The following ZNF611 variants were observed in gnomAD, a reference collection of about 807,000 sequenced individuals.
The protein encoded by ZNF611 is zinc finger protein 611.
ZNF611 carries 6 observed loss-of-function variants against 8.9 expected under a neutral mutation model. The ratio of observed to expected loss-of-function variants is 0.68; its 90% CI spans 0.37 to 1.34. The LOEUF is 1.34. Among genes scored for constraint, ZNF611 ranks in the 40% most tolerant of loss-of-function variants. ZNF611 has a pLI of 0.02. For synonymous variants in ZNF611, 262 were observed against 279.7 expected, an observed-to-expected ratio of 0.94 and a Z score of 0.63; for missense variants, 874 against 841.3, an observed-to-expected ratio of 1.04 and a Z score of -0.48.
At chr19:52,726,465 G>A (rs1296990413) in intron 3 of ZNF611, among the ~76,000 whole-genome samples, 1 of 151,988 alleles carries the variant, frequency 6.6e-6, no homozygotes. Context: ...CTGTCACCCA[G>A]GCTGGAGTGC....
rs878859796 is a variant in ZNF611, at chr19:52,705,227, G to A, written c.1828C>T (p.His610Tyr). 5 of 1,613,928 alleles carry A rather than the reference G, an allele frequency of 3.1e-6. No homozygotes were observed. The highest frequency in any genetic ancestry group is 4.2e-6 in the Non-Finnish European group (5 of 1,179,980). Reference sequence around the variant, plus strand: ...CCACTATGAAGTCTACGATGGCAATGAAGGGATGACCTGCGACTGAAGGTC... The same window carrying A: ...CCACTATGAAGTCTACGATGGCAATAAAGGGATGACCTGCGACTGAAGGTC... ...SKTFSRRSSLHCHRRLHSGEK... is the reference protein window; with the variant it reads ...SKTFSRRSSLYCHRRLHSGEK... The change falls in exon 6 of 6, where the codon CAT becomes TAT. Residue 610 changes from histidine (H) to tyrosine (Y), a missense_variant. Transcript: ENST00000652185.
At chr19:52,719,978 G>T (rs2062343809) in intron 3 of ZNF611, among the ~76,000 whole-genome samples, 1 of 152,182 alleles carries the variant, frequency 6.6e-6, no homozygotes, top group South Asian at 2.1e-4. Context: ...CTTTTAAGGA[G>T]CATGCTGCCT....
intron 3 of ZNF611, chr19:52,721,241 T>C (rs1430963179): frequency 6.4e-6 from 1 of 156,492 alleles, no homozygotes; most frequent in Non-Finnish European, 1.4e-5. Flanking sequence ...AGACAATGGG[T>C]GGCCAGGCAG....
At chr19:52,731,823 T>C (rs2062427331) in intron 1 of ZNF611, among the ~76,000 whole-genome samples, 1 of 151,582 alleles carries the variant, frequency 6.6e-6, no homozygotes, top group Non-Finnish European at 1.5e-5. Flanking sequence ...AACACAAAAT[T>C]AGCCGAGCGT....
At chr19:52,709,237 T>C (rs891699936) in intron 5 of ZNF611, among the ~76,000 whole-genome samples, 2 of 152,220 alleles carry the variant, frequency 1.3e-5, no homozygotes, top group Admixed American at 1.3e-4. Context: ...ATTGTATTTT[T>C]TCTTTCTTTT....
chr19:52,721,475 T>C (rs2062359118), intron 3 of ZNF611, among the ~76,000 whole-genome samples: 1 of 152,210 alleles, frequency 6.6e-6, no homozygotes, highest in Non-Finnish European at 1.5e-5. Context: ...GGTCAGGGGT[T>C]GGAGACCAGC....
Position 52,706,659 on chromosome 19 carries a change from T to C in ZNF611, c.396A>G (p.Ile132Met). ...RNGLEAPMTK[I>M]KKLTGSTDQH... ...GGTCTGTGCTACCAGTCAACTTTTT[T>C]ATTTTTGTCATGGGTGCTTCAAGGC... Residue 132 changes from isoleucine (I) to methionine (M), a missense_variant, in exon 6 of 6, where the codon ATA (isoleucine) becomes ATG (methionine). By Grantham distance (10) the Ile-to-Met change is conservative (BLOSUM62 1). Transcript: ENST00000652185. 1.9e-6 allele frequency: 3 copies of C among 1,613,846 alleles called. No homozygotes were observed. The highest frequency in any genetic ancestry group is 1.7e-6 in the Non-Finnish European group (2 of 1,179,910).
rs544423540 is a variant in ZNF611, at chr19:52,729,913, G to A, written c.-129C>T. The A allele has an allele frequency of 6.6e-6, 1 of 152,138 alleles. No individual in the cohort carries two copies. Among genetic ancestry groups the A allele is most frequent in the Non-Finnish European group, 1.5e-5 (1 of 68,034 alleles). The allele number at this position is 152,138 out of a possible 1,614,324, so 9.4% of individuals were successfully genotyped here. On this transcript the variant is annotated 5_prime_UTR_variant, in exon 2 of 6. Transcript: ENST00000652185. ...GAATAAGAACTGACTAACCATGTCG[G>A]AGGGTGCAATTATGATGTCACAGGT...
intron 5 of ZNF611, among the ~76,000 whole-genome samples, chr19:52,712,456 T>TAAAAAAAAA (rs55649603): frequency 3.5e-4 from 13 of 37,464 alleles, no homozygotes; most frequent in African/African-American, 1.2e-3. Context: ...CTGTCTCTAC[T>TAAAAAAAAA]AAAAAAAAAA....
chr19:52,707,556 A>G (rs1046933456), intron 5 of ZNF611: 2 of 152,024 alleles, frequency 1.3e-5, no homozygotes, highest in Non-Finnish European at 2.9e-5. Flanking sequence ...AAAAAAAAAA[A>G]AAAAAGTTAA....
intron 3 of ZNF611, chr19:52,717,562 C>T (rs547926726): frequency 9.2e-5 from 38 of 413,312 alleles, no homozygotes; most frequent in South Asian, 2.0e-4. Flanking sequence ...TGTGCACACA[C>T]AGCAATAGGT....
intron 5 of ZNF611, among the ~76,000 whole-genome samples, chr19:52,709,986 A>G (rs1472171219): frequency 6.6e-6 from 1 of 152,180 alleles, no homozygotes; most frequent in African/African-American, 2.4e-5. Context: ...TCTCACCAGG[A>G]GCCAATCTAG....
In ZNF611 at chr19:52,704,587, C is replaced by A; in HGVS notation, c.*350G>T. 6.4e-7 allele frequency: 1 copy of A among 1,558,912 alleles called. No individual in the cohort carries two copies. On this transcript the variant is annotated 3_prime_UTR_variant, in exon 6 of 6. Transcript: ENST00000652185. ...ATGTGAACGATCTCTGAAAAATTTG[C>A]CACATTTATTACACTTGTAAGATCT...
rs995467154 is a variant in ZNF611, at chr19:52,703,385, A to T, written c.*1552T>A. 1.3e-5 allele frequency: 2 copies of T among 151,970 alleles called. No homozygotes were observed. The highest frequency in any genetic ancestry group is 2.9e-5 in the Non-Finnish European group (2 of 68,010). The allele number at this position is 151,970 out of a possible 1,614,324, so 9.4% of individuals were successfully genotyped here. Reference sequence around the variant, plus strand: ...CAACTTCTACCTCCTAGGTTTAAGCAATTCTCATGCCCCAGCCTCCCAAGT... The same window carrying T: ...CAACTTCTACCTCCTAGGTTTAAGCTATTCTCATGCCCCAGCCTCCCAAGT... On this transcript the variant is annotated 3_prime_UTR_variant, in exon 6 of 6. Transcript: ENST00000652185.
intron 3 of ZNF611, among the ~76,000 whole-genome samples, chr19:52,726,403 TTTC>T (rs1478435696): frequency 6.6e-6 from 1 of 152,132 alleles, no homozygotes; most frequent in African/African-American, 2.4e-5. Flanking sequence ...GCGCGCTCTT[TTTC>T]TTTTCTTTCC....
chr19:52,722,051 A>T (rs866944612), intron 3 of ZNF611, among the ~76,000 whole-genome samples: 5 of 150,152 alleles, frequency 3.3e-5, no homozygotes, highest in Middle Eastern at 3.4e-3. Flanking sequence ...ACTCCACTGC[A>T]AAATAATAAT....
Position 52,703,447 on chromosome 19 carries a change from A to G in ZNF611, c.*1490T>C, listed in dbSNP as rs1405994034. On this transcript the variant is annotated 3_prime_UTR_variant, in exon 6 of 6. Coordinates refer to ENST00000652185, the MANE Select transcript of ZNF611 (RefSeq NM_001161499.2). ...AAGGTGCACACCAACACCCCCGGCT[A>G]ACTTTTGTATTTTTAGTAGAGATGG... 2 of 152,054 alleles carry G rather than the reference A, an allele frequency of 1.3e-5. No homozygotes were observed. The highest frequency in any genetic ancestry group is 2.9e-5 in the Non-Finnish European group (2 of 68,026). 9.4% of individuals were successfully genotyped at this position (152,054 alleles called of 1,614,324 possible). A position where few individuals can be genotyped will look rare whatever the true frequency, so the allele number is the denominator to read the frequency against.
At chr19:52,714,986 G>T (rs1224785073) in intron 4 of ZNF611, among the ~76,000 whole-genome samples, 4 of 151,914 alleles carry the variant, frequency 2.6e-5, no homozygotes, top group Non-Finnish European at 5.9e-5. Context: ...AACAGAGCAA[G>T]ACTCCATCTC....
At chr19:52,732,671 C>CCCTGTAATCCCA (rs983628031) in intron 1 of ZNF611, among the ~76,000 whole-genome samples, 3 of 151,624 alleles carry the variant, frequency 2.0e-5, no homozygotes, top group African/African-American at 7.3e-5. Flanking sequence ...GGTGGCTCCT[C>CCCTGTAATCCCA]CCTGTAATCC....
Sources: allele counts gnomAD v4.1 joint callset (sites outside exome capture counted in the v4.1 genomes callset), GRCh38; gene constraint gnomAD v4.1.1; transcripts MANE v1.5; gene names NCBI Gene and HGNC (gene_info 2026-07-23, HGNC 2026-07-21).